MACF1: variants seen among roughly 807,000 people sequenced by gnomAD.
MACF1 encodes microtubule-actin cross-linking factor 1.
A neutral mutation model predicts 854.8 loss-of-function variants in MACF1; 193 were observed. The observed-to-expected ratio is 0.23, with a 90% CI of 0.20 to 0.25. The LOEUF is 0.25. MACF1 is among the 10% of genes least tolerant of loss of function. MACF1 has a pLI of 1.00. For missense variants in MACF1, 7,722 were observed against 8,929.1 expected (o/e 0.86, Z 5.45); for synonymous variants, 3,185 against 3,226.7 (o/e 0.99, Z 0.44).
At chr1:39,304,563 T>A in intron 23 of MACF1, 1 of 945,634 alleles carries the variant, frequency 1.1e-6, no homozygotes, top group Non-Finnish European at 1.6e-6. Flanking sequence ...TTTCTTTTCT[T>A]TCTTTTTTTT....
intron 2 of MACF1, among the ~76,000 whole-genome samples, chr1:39,232,746 G>GTTTTTTTTTTTTTTTTTTTTTTTTTTT (rs10712180): frequency 5.4e-5 from 7 of 128,486 alleles, no homozygotes; most frequent in Non-Finnish European, 6.7e-5. Context: ...TACTCTCTTT[G>GTTTTTTTTTTTTTTTTTTTTTTTTTTT]TTTTTTTTTT....
chr1:39,094,537 G>A lies in MACF1; in HGVS notation c.220+10099G>A, dbSNP rs563385828. ...AGGAGTTCGATACCAGCCTCAACAC[G>A]GAGAAACCCTGTCTCTACTAAAAAT... On this transcript the variant is annotated intron_variant, in intron 2 of 93. Transcript: ENST00000361689. Among the ~76,000 whole-genome samples, 8 of 152,170 alleles carry A rather than the reference G, an allele frequency of 5.3e-5. No homozygotes were observed. The South Asian group carries it at 6.2e-4, about 12-fold the overall frequency.
At chr1:39,247,200 G>A (rs1644991879) in intron 2 of MACF1, among the ~76,000 whole-genome samples, 2 of 149,886 alleles carry the variant, frequency 1.3e-5, no homozygotes, top group Admixed American at 1.4e-4. Flanking sequence ...AGCCTCCCGT[G>A]TAGCTGGGAC....
At chr1:39,393,383 G>A (rs1642131637) in intron 58 of MACF1, among the ~76,000 whole-genome samples, 1 of 151,644 alleles carries the variant, frequency 6.6e-6, no homozygotes, top group Non-Finnish European at 1.5e-5. Context: ...GTATTTGATG[G>A]TTTGGGCATC....
At position 39,480,983 on chromosome 1, in the gene MACF1, C is replaced by G; in HGVS notation, c.22234C>G (p.Pro7412Ala). 1 of 1,550,740 alleles carries G rather than the reference C, an allele frequency of 6.4e-7. No individual in the cohort carries two copies. Among genetic ancestry groups the G allele is most frequent in the Non-Finnish European group, 8.7e-7 (1 of 1,147,004 alleles). ...GTTGGTAAACAGTAAAGCTGGCACCCCTATCAGGGACAGCCATTCTCCTGA... is the reference window on the plus strand; with the variant it reads ...GTTGGTAAACAGTAAAGCTGGCACCGCTATCAGGGACAGCCATTCTCCTGA... The part of the protein sequence containing the change: ...PWLVNSKAGT[P>A]IRDSHSPDLQ... The change falls in exon 99 of 101, where the codon CCT (proline) becomes GCT (alanine). Residue 7412 changes from proline (P) to alanine (A), a missense_variant. This residue lies in a region of MACF1 where 185 missense variants were observed against 225.7 expected (regional missense o/e 0.82). Transcript: ENST00000564288.
chr1:39,484,483 CT>C, intron 99 of MACF1, 117 bp from the exon 100 acceptor site: 1 of 868,214 alleles, frequency 1.2e-6, no homozygotes. Context: ...TTTTCCTGGA[CT>C]TTTAATTTGC....
At chr1:39,115,689 A>G (rs1243408419) in intron 2 of MACF1, among the ~76,000 whole-genome samples, 1 of 152,030 alleles carries the variant, frequency 6.6e-6, no homozygotes, top group Non-Finnish European at 1.5e-5. Flanking sequence ...CAGCCATAGG[A>G]GGGGAGAAGG....
At chr1:39,424,616 T>C (rs1218263796) in intron 61 of MACF1, among the ~76,000 whole-genome samples, 2 of 152,230 alleles carry the variant, frequency 1.3e-5, no homozygotes, top group East Asian at 3.8e-4. Flanking sequence ...TTAGATTTTT[T>C]TGCCTTTAGG....
chr1:39,085,187 T>C (rs1641641227), intron 2 of MACF1, among the ~76,000 whole-genome samples: 1 of 152,214 alleles, frequency 6.6e-6, no homozygotes, highest in Non-Finnish European at 1.5e-5. Context: ...TCTTTCTCAG[T>C]GTCACTTTCC....
intron 2 of MACF1, among the ~76,000 whole-genome samples, chr1:39,238,073 A>G (rs548910670): frequency 1.3e-5 from 2 of 152,284 alleles, no homozygotes; most frequent in East Asian, 3.9e-4. Context: ...ACGACTTCTC[A>G]TGGAATAAAA....
At chr1:39,447,298 A>G in intron 80 of MACF1, 134 bp from the exon 81 acceptor site, 1 of 768,712 alleles carries the variant, frequency 1.3e-6, no homozygotes, top group Non-Finnish European at 2.1e-6. Flanking sequence ...GCATGTTTGG[A>G]CGTTGATTAA....
chr1:39,310,803 C>T (rs1180704702), intron 25 of MACF1, 28 bp from the exon 26 acceptor site: 2 of 1,582,948 alleles, frequency 1.3e-6, no homozygotes, highest in Non-Finnish European at 1.7e-6. Flanking sequence ...GTCGAGCTTA[C>T]TGGTCTTTTG....
chr1:39,412,434 G>A, intron 58 of MACF1: 1 of 1,614,050 alleles, frequency 6.2e-7, no homozygotes. Context: ...AGGCAAAAGA[G>A]CTGGATTATC....
At chr1:39,118,341 C>T (rs1642598533) in intron 2 of MACF1, among the ~76,000 whole-genome samples, 1 of 152,206 alleles carries the variant, frequency 6.6e-6, no homozygotes. Context: ...GGACTTGTCC[C>T]AGCCTTTGTT....
chr1:39,485,331 T>C, intron 100 of MACF1: 1 of 590,334 alleles, frequency 1.7e-6, no homozygotes, highest in Non-Finnish European at 2.9e-6. Flanking sequence ...TAGAGTGGCT[T>C]TCTAATCCCC....
intron 5 of MACF1, among the ~76,000 whole-genome samples, chr1:39,254,850 AAG>A (rs2148338483): frequency 6.6e-6 from 1 of 152,262 alleles, no homozygotes; most frequent in Non-Finnish European, 1.5e-5. Context: ...ATACAGGAGA[AAG>A]ATATTTAGAG....
chr1:39,135,380 G>A (rs1182941374), intron 2 of MACF1, among the ~76,000 whole-genome samples: 1 of 152,056 alleles, frequency 6.6e-6, no homozygotes, highest in Non-Finnish European at 1.5e-5. Flanking sequence ...CCGAGTAGCT[G>A]GGATTACAGG....
intron 40 of MACF1, among the ~76,000 whole-genome samples, chr1:39,343,458 A>G (rs1245257276): frequency 6.6e-6 from 1 of 152,218 alleles, no homozygotes; most frequent in African/African-American, 2.4e-5. Context: ...GACTTTATTC[A>G]GCCTTTATCT....
At chr1:39,375,304 T>TC (rs1365543496) in intron 52 of MACF1, among the ~76,000 whole-genome samples, 1 of 151,816 alleles carries the variant, frequency 6.6e-6, no homozygotes, top group African/African-American at 2.4e-5. Flanking sequence ...TTTCTTTCTT[T>TC]CTTTTTTTTT....
Sources: allele counts gnomAD v4.1 joint callset (sites outside exome capture counted in the v4.1 genomes callset), GRCh38; gene constraint gnomAD v4.1.1; regional missense constraint gnomAD v4.1.1; transcripts MANE v1.5; gene names NCBI Gene and HGNC (gene_info 2026-07-23, HGNC 2026-07-21).